PCDHGB1: variants seen among roughly 807,000 people sequenced by gnomAD.
PCDHGB1 encodes the protein protocadherin gamma-B1.
A neutral mutation model predicts 56.6 loss-of-function variants in PCDHGB1; 34 were observed. The observed-to-expected ratio is 0.60, with a 90% CI of 0.46 to 0.80. The LOEUF (loss-of-function observed/expected upper bound fraction) is 0.80. Ranked by LOEUF, PCDHGB1 falls within the 30% of genes least tolerant of loss-of-function variation. The pLI, the probability that PCDHGB1 is intolerant of heterozygous loss-of-function variation, is 0.00. For synonymous variants in PCDHGB1, 561 were observed against 505.9 expected, an observed-to-expected ratio of 1.11 and a Z score of -1.46; for missense variants, 1,278 against 1,204.6, an observed-to-expected ratio of 1.06 and a Z score of -0.90.
chr5:141,433,397 A>ATCTATCTATCTG (rs2097600396), intron 1 of PCDHGB1, among the ~76,000 whole-genome samples: 2 of 150,410 alleles, frequency 1.3e-5, no homozygotes, highest in African/African-American at 2.5e-5. Flanking sequence ...CTATCTATCT[A>ATCTATCTATCTG]TCTATCTATT....
chr5:141,374,475 C>T (rs765909880), intron 1 of PCDHGB1: 4 of 1,612,136 alleles, frequency 2.5e-6, no homozygotes, highest in Admixed American at 1.7e-5. Context: ...GACAATACAC[C>T]CCGATTCTTA....
intron 1 of PCDHGB1, chr5:141,364,990 G>A (rs1363998069): frequency 1.9e-6 from 3 of 1,613,862 alleles, no homozygotes; most frequent in Admixed American, 1.7e-5. Flanking sequence ...GCGGAGACCC[G>A]GTACTCTCCG....
Position 141,432,608 on chromosome 5 carries a change from T to G in PCDHGB1, c.2410-62199T>G. ...GCTCAAGGCCAGCGAGCCGGGACTC[T>G]TCTCGGTGGGTCTGCACACGGGCGA... On this transcript the variant is annotated intron_variant, in intron 1 of 3. Transcript: ENST00000523390. This position sits in a 1 kb window ranked among gnomAD's most constrained non-coding sequence, Gnocchi z 6.0. The G allele has an allele frequency of 6.2e-7, 1 of 1,613,864 alleles. No individual in the cohort carries two copies. The highest frequency in any genetic ancestry group is 8.5e-7 in the Non-Finnish European group (1 of 1,179,964).
chr5:141,393,137 C>T (rs777446564), intron 1 of PCDHGB1: 14 of 1,613,286 alleles, frequency 8.7e-6, no homozygotes, highest in South Asian at 2.2e-5. Context: ...ATATTAACAC[C>T]CTGGTTGAGG....
intron 1 of PCDHGB1, chr5:141,388,381 C>T (rs370363580): frequency 1.9e-6 from 3 of 1,613,888 alleles, no homozygotes; most frequent in African/African-American, 2.7e-5. Flanking sequence ...GGTAGCAACA[C>T]ACTGCAGAAT....
intron 1 of PCDHGB1, chr5:141,392,008 T>C (rs144906227): frequency 1.3e-5 from 2 of 152,186 alleles, no homozygotes; most frequent in Non-Finnish European, 2.9e-5. Flanking sequence ...ACTGCAATGG[T>C]AAAAGCATTT....
rs777988497 is a variant in PCDHGB1, at chr5:141,356,894, C to A, written c.2409+4225C>A. The A allele has an allele frequency of 1.9e-6, 3 of 1,614,214 alleles. No homozygotes were observed. In the South Asian group the frequency reaches 3.3e-5, roughly 18 times the overall value. On this transcript the variant is annotated intron_variant, in intron 1 of 3. Transcript: ENST00000523390. Reference sequence around the variant, plus strand: ...GACAATGTCCCTGAGATCCTGTACCCCACCTTCCCTACTGATGGCTCCACT... The same window carrying A: ...GACAATGTCCCTGAGATCCTGTACCACACCTTCCCTACTGATGGCTCCACT...
intron 1 of PCDHGB1, among the ~76,000 whole-genome samples, chr5:141,482,326 G>T (rs982211258): frequency 6.6e-6 from 1 of 152,072 alleles, no homozygotes. Context: ...AAAATAAAGA[G>T]AATATCTACT....
chr5:141,405,242 A>G, intron 1 of PCDHGB1: 1 of 1,614,156 alleles, frequency 6.2e-7, no homozygotes, highest in Non-Finnish European at 8.5e-7. Flanking sequence ...CGCTGACTCA[A>G]GGAAGAGTCA....
chr5:141,367,537 A>AAAT (rs373624904), intron 1 of PCDHGB1: 1 of 147,434 alleles, frequency 6.8e-6, no homozygotes, highest in Admixed American at 6.8e-5. Context: ...ACTCCGTCTC[A>AAAT]AAATAAATAA....
At chr5:141,369,714 T>A (rs565396016) in intron 1 of PCDHGB1, among the ~76,000 whole-genome samples, 20 of 152,268 alleles carry the variant, frequency 1.3e-4, no homozygotes, top group African/African-American at 4.3e-4. Context: ...CATTATAACT[T>A]TTAGAAGTTA....
chr5:141,357,470 T>C, intron 1 of PCDHGB1: 1 of 1,614,068 alleles, frequency 6.2e-7, no homozygotes, highest in South Asian at 1.1e-5. Context: ...TCCCACGAGG[T>C]CTCCCTCACC....
At chr5:141,422,786 C>T in intron 1 of PCDHGB1, 1 of 1,614,178 alleles carries the variant, frequency 6.2e-7, no homozygotes, top group Non-Finnish European at 8.5e-7. Context: ...GCCCTACAAT[C>T]CTTCGACTAT....
chr5:141,360,783 T>A (rs1453026686), intron 1 of PCDHGB1: 1 of 1,613,928 alleles, frequency 6.2e-7, no homozygotes, highest in East Asian at 2.2e-5. Flanking sequence ...CAGCTGTGGA[T>A]GGCGGAGACC....
chr5:141,375,612 A>AC (rs1771652841), intron 1 of PCDHGB1: 1 of 1,614,014 alleles, frequency 6.2e-7, no homozygotes. Flanking sequence ...ATCAACTCCG[A>AC]CACTGGGATT....
chr5:141,478,319 T>A, intron 1 of PCDHGB1: 4 of 1,614,052 alleles, frequency 2.5e-6, no homozygotes, highest in Non-Finnish European at 3.4e-6. Flanking sequence ...GAGCTCACTG[T>A]ACCGAACACC....
At chr5:141,480,625 G>A (rs1041569361) in intron 1 of PCDHGB1, among the ~76,000 whole-genome samples, 2 of 152,070 alleles carry the variant, frequency 1.3e-5, no homozygotes, top group Non-Finnish European at 2.9e-5. Flanking sequence ...ATTTTCCCTA[G>A]AACAATGTTT....
chr5:141,508,723 G>A (rs941469412), intron 3 of PCDHGB1, among the ~76,000 whole-genome samples: 2 of 151,814 alleles, frequency 1.3e-5, no homozygotes, highest in African/African-American at 4.8e-5. Context: ...TGTGTGCAGG[G>A]AGACTACACC....
intron 1 of PCDHGB1, chr5:141,395,037 G>A: frequency 1.9e-6 from 3 of 1,614,134 alleles, no homozygotes; most frequent in Non-Finnish European, 2.5e-6. Flanking sequence ...ACATTTTGTG[G>A]GTGTTGAGGA....
Sources: allele counts gnomAD v4.1 joint callset (sites outside exome capture counted in the v4.1 genomes callset), GRCh38; gene constraint gnomAD v4.1.1; non-coding constraint Gnocchi (gnomAD v3.1); transcripts MANE v1.5; gene names NCBI Gene and HGNC (gene_info 2026-07-23, HGNC 2026-07-21).